The following SYT10 variants were observed in gnomAD, a reference collection of about 807,000 sequenced individuals.
The protein encoded by SYT10 is synaptotagmin-10.
A neutral mutation model predicts 51.1 loss-of-function variants in SYT10; 31 were observed. That is an observed-to-expected ratio of 0.61 (90% CI 0.46 to 0.82). SYT10 has a LOEUF of 0.82. Ranked by LOEUF, SYT10 falls within the 40% of genes least tolerant of loss-of-function variation. SYT10 has a pLI of 0.00. For synonymous variants in SYT10, 233 were observed against 225.9 expected (o/e 1.03, Z -0.28); for missense variants, 603 against 634.0 (o/e 0.95, Z 0.53).
At chr12:33,390,525 A>T (rs2138394419) in intron 3 of SYT10, among the ~76,000 whole-genome samples, 1 of 151,766 alleles carries the variant, frequency 6.6e-6, no homozygotes, top group South Asian at 2.1e-4. Context: ...CCTTCATCTT[A>T]CAAATTTTTT....
At chr12:33,395,977 T>G (rs1171077873) in intron 3 of SYT10, among the ~76,000 whole-genome samples, 1 of 152,220 alleles carries the variant, frequency 6.6e-6, no homozygotes, top group African/African-American at 2.4e-5. Flanking sequence ...GTTCTGGCTC[T>G]TCTACTAATC....
chr12:33,434,870 C>T (rs1032905769), intron 1 of SYT10, among the ~76,000 whole-genome samples: 2 of 152,096 alleles, frequency 1.3e-5, no homozygotes, highest in African/African-American at 2.4e-5. Flanking sequence ...TTTTTCAAGG[C>T]ACTGAAGATA....
At position 33,386,331 on chromosome 12, in the gene SYT10, G is replaced by C. The variant is rs534133107; in HGVS notation, c.1078-1040C>G. On this transcript the variant is annotated intron_variant, in intron 3 of 6. Transcript: ENST00000228567. The stretch of plus-strand genomic sequence containing the variant: ...TACATTAGAACGTCACACACATAAG[G>C]TTTATGTCATCTGGGCCCTACCTTT... Among the ~76,000 whole-genome samples, 4 of 152,154 alleles carry C rather than the reference G, an allele frequency of 2.6e-5. No individual in the cohort carries two copies. In the East Asian group the frequency reaches 5.8e-4, roughly 22 times the overall value.
At chr12:33,403,872 C>T (rs923606891) in intron 3 of SYT10, among the ~76,000 whole-genome samples, 1 of 151,912 alleles carries the variant, frequency 6.6e-6, no homozygotes, top group Admixed American at 6.6e-5. Context: ...TAATTAAATA[C>T]TACTCTAACC....
chr12:33,416,331 C>A (rs1866453556), intron 2 of SYT10, among the ~76,000 whole-genome samples: 1 of 152,104 alleles, frequency 6.6e-6, no homozygotes, highest in Non-Finnish European at 1.5e-5. Flanking sequence ...AATCCACCCA[C>A]CTCAGCCTCC....
Position 33,385,222 on chromosome 12 carries a change from T to C in SYT10, c.1147A>G (p.Thr383Ala). The change falls in exon 4 of 7, where the codon ACA (threonine) becomes GCA (alanine). Residue 383 changes from threonine (T) to alanine (A), a missense_variant. Physicochemically the swap from Thr to Ala is moderately conservative, Grantham distance 58 (BLOSUM62 0). Coordinates refer to ENST00000228567, the MANE Select transcript of SYT10 (RefSeq NM_198992.4). ...TTCAGATTTCTGCACTTAATGACTG[T>C]CAATGTCATACGCCCAGCCGTCGGT... The part of the protein sequence containing the change: ...YLPTAGRMTL[T>A]VIKCRNLKAM... 6.2e-7 allele frequency: 1 copy of C among 1,613,704 alleles called. No homozygotes were observed. The highest frequency in any genetic ancestry group is 8.5e-7 in the Non-Finnish European group (1 of 1,179,770).
chr12:33,436,508 C>G (rs1482990), intron 1 of SYT10, among the ~76,000 whole-genome samples: 18,146 of 152,092 alleles, frequency 0.12, 1,191 homozygotes, highest in Admixed American at 0.17. Flanking sequence ...TGTAAGTCTT[C>G]ACCAATTTTA....
chr12:33,408,089 A>G (rs1866375111), intron 2 of SYT10: 1 of 152,264 alleles, frequency 6.6e-6, no homozygotes, highest in Non-Finnish European at 1.5e-5. Flanking sequence ...AAAATCATTC[A>G]GATGGCTGGT....
rs148295664 is a variant in SYT10 at position 33,397,831 on chromosome 12, T to C, written c.1077+8958A>G. Among the ~76,000 whole-genome samples, 294 of 152,072 alleles carry C rather than the reference T, an allele frequency of 1.9e-3. 1 individual carries two copies. The highest frequency in any genetic ancestry group is 6.6e-3 in the African/African-American group (274 of 41,496). ...TTGAAAATAAAAAGATGAGTGAGGC[T>C]TCCCAGGCAGAAACAGGGACAATGG... On this transcript the variant is annotated intron_variant, in intron 3 of 6. Transcript: ENST00000228567.
intron 3 of SYT10, among the ~76,000 whole-genome samples, chr12:33,399,729 T>A (rs1400565395): frequency 6.6e-6 from 1 of 152,200 alleles, no homozygotes; most frequent in South Asian, 2.1e-4. Context: ...CTTATGATAG[T>A]ATATGAAGGA....
chr12:33,438,417 G>C (rs1866655231), intron 1 of SYT10, among the ~76,000 whole-genome samples: 1 of 152,134 alleles, frequency 6.6e-6, no homozygotes, highest in Non-Finnish European at 1.5e-5. Context: ...CCGCAACTCG[G>C]GGATCCACCT....
chr12:33,396,213 G>T (rs771561696), intron 3 of SYT10, among the ~76,000 whole-genome samples: 4 of 152,100 alleles, frequency 2.6e-5, no homozygotes, highest in South Asian at 2.1e-4. Flanking sequence ...CTGAGAACAA[G>T]ATCTCAGGTC....
intron 5 of SYT10, among the ~76,000 whole-genome samples, chr12:33,380,920 A>G (rs936222766): frequency 1.3e-5 from 2 of 152,116 alleles, no homozygotes; most frequent in African/African-American, 4.8e-5. Context: ...TTTTTTTTCC[A>G]TCATTGATGT....
At chr12:33,395,889 AG>A (rs1225207530) in intron 3 of SYT10, among the ~76,000 whole-genome samples, 21 of 152,110 alleles carry the variant, frequency 1.4e-4, no homozygotes, top group African/African-American at 5.1e-4. Flanking sequence ...CTTTCTCTTT[AG>A]TATATTTCAA....
At chr12:33,408,799 C>A (rs1232413078) in intron 2 of SYT10, among the ~76,000 whole-genome samples, 20 of 149,232 alleles carry the variant, frequency 1.3e-4, no homozygotes, top group Admixed American at 8.6e-4. Flanking sequence ...GTTCTTTATC[C>A]CACAATCTCT....
Position 33,439,617 on chromosome 12 carries a change from C to G in SYT10, c.-95G>C. 2.1e-6 allele frequency: 3 copies of G among 1,447,238 alleles called. No homozygotes were observed. The highest frequency in any genetic ancestry group is 1.9e-6 in the Non-Finnish European group (2 of 1,078,444). 89.6% of individuals were successfully genotyped at this position (1,447,238 alleles called of 1,614,324 possible). A position where few individuals can be genotyped will look rare whatever the true frequency, so the allele number is the denominator to read the frequency against. ...CCCCTCTGGCGCCCTAAGCCATAGT[C>G]CGCCCGCGGTGACTTTGGCTGGAGA... On this transcript the variant is annotated 5_prime_UTR_variant, in exon 1 of 7. Coordinates refer to ENST00000228567, the MANE Select transcript of SYT10 (RefSeq NM_198992.4).
At chr12:33,425,717 T>G (rs772913967) in intron 2 of SYT10, among the ~76,000 whole-genome samples, 5 of 152,234 alleles carry the variant, frequency 3.3e-5, no homozygotes, top group Non-Finnish European at 5.9e-5. Flanking sequence ...TCTGATTGTG[T>G]AGAGCCTCCA....
At position 33,439,694 on chromosome 12, in the gene SYT10, C is replaced by CGGGAGCG; in HGVS notation, c.-179_-173dup. 2 of 781,594 alleles carry CGGGAGCG rather than the reference C, an allele frequency of 2.6e-6. No individual in the cohort carries two copies. The highest frequency in any genetic ancestry group is 1.9e-6 in the Non-Finnish European group (1 of 514,112). 48.4% of individuals were successfully genotyped at this position (781,594 alleles called of 1,614,324 possible). On this transcript the variant is annotated 5_prime_UTR_variant, in exon 1 of 7. Transcript: ENST00000228567. The stretch of plus-strand genomic sequence containing the variant: ...TAGGAGCCCCACGTTGGCCCCATGG[C>CGGGAGCG]GGGAGCGGAGGGCGTAGGGGAAGGA...
In SYT10 at chr12:33,439,724, C is replaced by T. The variant is rs980629312; in HGVS notation, c.-202G>A. ...GCGGAGGGCGTAGGGGAAGGAGAGG[C>T]GCGCGAGGAGGCTGCGGCTGCCGCG... On this transcript the variant is annotated 5_prime_UTR_variant, in exon 1 of 7. Coordinates refer to ENST00000228567, the MANE Select transcript of SYT10 (RefSeq NM_198992.4). 18 of 583,134 alleles carry T rather than the reference C, an allele frequency of 3.1e-5. No individual in the cohort carries two copies. Among genetic ancestry groups the T allele is most frequent in the African/African-American group, 2.3e-4 (12 of 51,902 alleles). The allele number at this position is 583,134 out of a possible 1,614,324, so 36.1% of individuals were successfully genotyped here.
Sources: allele counts gnomAD v4.1 joint callset (sites outside exome capture counted in the v4.1 genomes callset), GRCh38; gene constraint gnomAD v4.1.1; transcripts MANE v1.5; gene names NCBI Gene and HGNC (gene_info 2026-07-23, HGNC 2026-07-21).